ARHGEF40: variants seen among roughly 807,000 people sequenced by gnomAD.
ARHGEF40 encodes the protein Rho guanine nucleotide exchange factor 40.
In ARHGEF40, 98 loss-of-function variants were observed where a neutral mutation model predicts 165.9. That is an observed-to-expected ratio of 0.59 (90% CI 0.50 to 0.70). The LOEUF (loss-of-function observed/expected upper bound fraction) is 0.70. Among genes scored for constraint, ARHGEF40 ranks in the 30% least tolerant of loss-of-function variants. The pLI, the probability that ARHGEF40 is intolerant of heterozygous loss-of-function variation, is 0.00. For missense variants in ARHGEF40, 1,815 were observed against 1,968.0 expected, an observed-to-expected ratio of 0.92 and a Z score of 1.47; for synonymous variants, 792 against 814.3, an observed-to-expected ratio of 0.97 and a Z score of 0.47.
At chr14:21,085,560 C>T (rs1446443224) in intron 18 of ARHGEF40, 129 bp from the exon 19 acceptor site, 9 of 1,063,712 alleles carry the variant, frequency 8.5e-6, no homozygotes, top group South Asian at 8.1e-5. Context: ...GCACTTGGCA[C>T]GTGATAGGTG....
Position 21,073,129 on chromosome 14 carries a change from G to T in ARHGEF40, c.88G>T (p.Gly30Cys). 1 of 1,614,130 alleles carries T rather than the reference G, an allele frequency of 6.2e-7. No individual in the cohort carries two copies. The highest frequency in any genetic ancestry group is 8.5e-7 in the Non-Finnish European group (1 of 1,180,020). The change falls in exon 2 of 24, where the codon GGC becomes TGC. Residue 30 changes from glycine (G) to cysteine (C), a missense_variant. Gly to Cys is a radical substitution (Grantham distance 159). Transcript: ENST00000298694. The surrounding 1 kb of genome is among the most constrained non-coding windows in gnomAD (Gnocchi z 4.6). ...PFEATAPTLL[G>C]QVFQVVERTY... ...TGAGGCAACAGCCCCCACCCTGTTG[G>T]GCCAGGTGTTCCAGGTGGTGGAGAG...
chr14:21,085,758 C>T lies in ARHGEF40; in HGVS notation c.4030C>T (p.Arg1344Trp), dbSNP rs753621517. The change falls in exon 19 of 24, where the codon CGG (arginine) becomes TGG (tryptophan). Residue 1344 changes from arginine (R) to tryptophan (W), a missense_variant. Transcript: ENST00000298694. ...CTGCTTTGAGTTGTGGTTTCGGCGGCGGCGTGCACGAGAGGCATACACTCT... is the reference window on the plus strand; with the variant it reads ...CTGCTTTGAGTTGTGGTTTCGGCGGTGGCGTGCACGAGAGGCATACACTCT... ...GLCFELWFRR[R>W]RAREAYTLQA... 1.2e-5 allele frequency: 19 copies of T among 1,614,026 alleles called. No individual in the cohort carries two copies. The African/African-American group carries it at 1.5e-4, about 12-fold the overall frequency.
chr14:21,082,052 C>T lies in ARHGEF40; in HGVS notation c.3184C>T (p.Arg1062Trp), dbSNP rs745385584. Residue 1062 changes from arginine to tryptophan, a missense_variant, in exon 14 of 24, where the codon CGG (arginine) becomes TGG (tryptophan). Physicochemically the swap from Arg to Trp is moderately radical, Grantham distance 101. Transcript: ENST00000298694. The stretch of plus-strand genomic sequence containing the variant: ...ACCACGGGAACACGTGCTGCTGGGC[C>T]GGGCTAGGGGGCCAGACGGACCCTG... Reference protein sequence around the residue: ...CSPREHVLLGRARGPDGPWGV... With the variant: ...CSPREHVLLGWARGPDGPWGV... 27 of 1,560,882 alleles carry T rather than the reference C, an allele frequency of 1.7e-5. No individual in the cohort carries two copies. The highest frequency in any genetic ancestry group is 2.2e-5 in the Non-Finnish European group (25 of 1,152,390).
chr14:21,081,614 G>T lies in ARHGEF40; in HGVS notation c.2746G>T (p.Ala916Ser), dbSNP rs758284518. Residue 916 changes from alanine (A) to serine (S), a missense_variant, in exon 14 of 24, where the codon GCC becomes TCC. Ala to Ser is a moderately conservative substitution (Grantham distance 99). Coordinates refer to ENST00000298694, the MANE Select transcript of ARHGEF40 (RefSeq NM_018071.5). ...LALRRAPEPS[A>S]GTFQEMRALA... ...CCTGCGGCGGGCCCCAGAGCCCAGT[G>T]CCGGCACCTTCCAGGAGATGCGGGC... The T allele has an allele frequency of 1.2e-6, 2 of 1,610,886 alleles. No homozygotes were observed. Among genetic ancestry groups the T allele is most frequent in the South Asian group, 2.2e-5 (2 of 90,952 alleles).
chr14:21,075,451 C>A lies in ARHGEF40; in HGVS notation c.1570C>A (p.Pro524Thr). The change falls in exon 4 of 24, where the codon CCT becomes ACT. Residue 524 changes from proline to threonine, a missense_variant. Pro to Thr is a conservative substitution (Grantham distance 38). Transcript: ENST00000298694. The surrounding 1 kb of genome is among the most constrained non-coding windows in gnomAD (Gnocchi z 4.5). ...EALAVSVSDH[P>T]DVAWDLMASG... ...CCTTGCAGTCTCCGTCTCTGATCAC[C>A]CTGATGTAGCTTGGGACTTGATGGC... is the stretch of plus-strand genomic sequence containing the variant. 1 of 1,614,198 alleles carries A rather than the reference C, an allele frequency of 6.2e-7. No individual in the cohort carries two copies. Among genetic ancestry groups the A allele is most frequent in the Non-Finnish European group, 8.5e-7 (1 of 1,180,036 alleles).
chr14:21,068,678 G>A (rs1345197957), upstream of ARHGEF40, among the ~76,000 whole-genome samples: 1 of 152,210 alleles, frequency 6.6e-6, no homozygotes, highest in Non-Finnish European at 1.5e-5. Flanking sequence ...CCTGGAGAGT[G>A]TCGGTGACTC....
At chr14:21,084,713 G>A in intron 17 of ARHGEF40, 40 bp from the exon 18 acceptor site, 4 of 1,583,342 alleles carry the variant, frequency 2.5e-6, no homozygotes, top group South Asian at 2.3e-5. Flanking sequence ...TACAAACAAA[G>A]GGCCCCTGGG....
In ARHGEF40 at chr14:21,085,208, G is replaced by A. The variant is rs867572483; in HGVS notation, c.3960+285G>A. On this transcript the variant is annotated intron_variant, in intron 18 of 23. Coordinates refer to ENST00000298694, the MANE Select transcript of ARHGEF40 (RefSeq NM_018071.5). ...CCCACTAAGGACACACATGCCTTTGGAATTAGGGGTGGTTCCTAGGGCATG... is the reference window on the plus strand; with the variant it reads ...CCCACTAAGGACACACATGCCTTTGAAATTAGGGGTGGTTCCTAGGGCATG... Among the ~76,000 whole-genome samples, 82 of 152,268 alleles carry A rather than the reference G, an allele frequency of 5.4e-4. 1 individual carries two copies. Among genetic ancestry groups the A allele is most frequent in the Middle Eastern group, 3.4e-3 (1 of 294 alleles).
In ARHGEF40 at chr14:21,081,985, C is replaced by A; in HGVS notation, c.3117C>A (p.Gly1039=). The change falls in exon 14 of 24, where the codon GGC becomes GGA. Residue 1039 remains glycine, a synonymous_variant. Coordinates refer to ENST00000298694, the MANE Select transcript of ARHGEF40 (RefSeq NM_018071.5). ...CCCCAAGAGCTGTGCTGATCCGAGG[C>A]CTGGAGGTCACCAGCACTGAGGTGG... The part of the protein sequence containing the change: ...GRPPRAVLIR[G]LEVTSTEVVD... The A allele has an allele frequency of 1.3e-6, 2 of 1,588,462 alleles. No individual in the cohort carries two copies. Among genetic ancestry groups the A allele is most frequent in the East Asian group, 2.3e-5 (1 of 43,408 alleles).
the ARHGEF40 span, among the ~76,000 whole-genome samples, chr14:21,062,462 C>G: frequency 2.1e-3 from 317 of 152,274 alleles, 2 homozygotes; most frequent in African/African-American, 7.1e-3. Context: ...GGTTATTTTT[C>G]TGACTTGGGA....
chr14:21,085,649 C>G, intron 18 of ARHGEF40, 40 bp from the exon 19 acceptor site: 2 of 1,596,168 alleles, frequency 1.3e-6, no homozygotes, highest in Non-Finnish European at 1.7e-6. Context: ...CCAGCCAGGA[C>G]TCACTCTGTC....
At position 21,075,905 on chromosome 14, in the gene ARHGEF40, C is replaced by A; in HGVS notation, c.1739+140C>A. On this transcript the variant is annotated intron_variant, in intron 5 of 23. Coordinates refer to ENST00000298694, the MANE Select transcript of ARHGEF40 (RefSeq NM_018071.5). This position sits in a 1 kb window ranked among gnomAD's most constrained non-coding sequence, Gnocchi z 4.5. ...AACCTTCAGACTTCAAGCCATTGAC[C>A]TTTGGCCTTACTTACCCTGACCTCC... 1 of 1,135,248 alleles carries A rather than the reference C, an allele frequency of 8.8e-7. No homozygotes were observed. The highest frequency in any genetic ancestry group is 1.6e-5 in the South Asian group (1 of 62,008). 70.3% of individuals were successfully genotyped at this position (1,135,248 alleles called of 1,614,324 possible).
chr14:21,061,269 A>C, the ARHGEF40 span, among the ~76,000 whole-genome samples: 1 of 152,226 alleles, frequency 6.6e-6, no homozygotes, highest in Non-Finnish European at 1.5e-5. Flanking sequence ...CAACCATTCA[A>C]TATCTGTAAG....
In ARHGEF40 at chr14:21,082,117, C is replaced by T. The variant is rs1887969708; in HGVS notation, c.3249C>T (p.Ile1083=). 1 of 1,562,756 alleles carries T rather than the reference C, an allele frequency of 6.4e-7. No homozygotes were observed. The highest frequency in any genetic ancestry group is 8.7e-7 in the Non-Finnish European group (1 of 1,153,218). ...GTPRMERKRS[I]SAQQRLVSEL... is the part of the protein sequence containing the mutation. ...CCCGGATGGAGCGCAAGCGAAGCAT[C>T]AGGTGAGATCCCAGCCCAACTGGTG... Residue 1083 remains isoleucine, a splice_region_variant and synonymous_variant, in exon 14 of 24, where the codon ATC becomes ATT. Coordinates refer to ENST00000298694, the MANE Select transcript of ARHGEF40 (RefSeq NM_018071.5).
rs373725799 is a variant in ARHGEF40 at position 21,085,662 on chromosome 14, C to T, written c.3961-27C>T. ...ACCCAGCCAGGACTCACTCTGTCTT[C>T]ACCCGCTGCCCTCTGCTCTTCCTCA... On this transcript the variant is annotated intron_variant, in intron 18 of 23. Coordinates refer to ENST00000298694, the MANE Select transcript of ARHGEF40 (RefSeq NM_018071.5). The T allele has an allele frequency of 1.9e-5, 31 of 1,607,282 alleles. No individual in the cohort carries two copies. In the African/African-American group the frequency reaches 4.0e-4, roughly 21 times the overall value.
chr14:21,069,900 G>A (rs998166027), upstream of ARHGEF40, among the ~76,000 whole-genome samples: 1 of 152,222 alleles, frequency 6.6e-6, no homozygotes. Context: ...CCCAGTTCTG[G>A]GAAGGGGCGG....
chr14:21,073,780 C>G lies in ARHGEF40; in HGVS notation c.202-152C>G, dbSNP rs1334096936. 1.2e-6 allele frequency: 1 copy of G among 867,362 alleles called. No homozygotes were observed. The highest frequency in any genetic ancestry group is 1.7e-5 in the African/African-American group (1 of 58,790). The allele number at this position is 867,362 out of a possible 1,614,324, so 53.7% of individuals were successfully genotyped here. On this transcript the variant is annotated intron_variant, in intron 2 of 23. Transcript: ENST00000298694. The surrounding 1 kb of genome is among the most constrained non-coding windows in gnomAD (Gnocchi z 4.6). ...GTCCCAATCCCTTCCTCTCTGCCACCTGAATACCCCAAATCTCCCCTCCTG... is the reference window on the plus strand; with the variant it reads ...GTCCCAATCCCTTCCTCTCTGCCACGTGAATACCCCAAATCTCCCCTCCTG...
At chr14:21,085,903 C>G in intron 19 of ARHGEF40, 37 bp downstream of exon 19, 1 of 1,609,054 alleles carries the variant, frequency 6.2e-7, no homozygotes, top group Non-Finnish European at 8.5e-7. Flanking sequence ...TGCTTGGAGT[C>G]AGGGTTATAG....
the ARHGEF40 span, among the ~76,000 whole-genome samples, chr14:21,064,305 T>TA: frequency 6.6e-6 from 1 of 151,668 alleles, no homozygotes; most frequent in African/African-American, 2.4e-5. Flanking sequence ...ATGCCTTTTT[T>TA]TTTTTATTAT....
Sources: allele counts gnomAD v4.1 joint callset (sites outside exome capture counted in the v4.1 genomes callset), GRCh38; gene constraint gnomAD v4.1.1; non-coding constraint Gnocchi (gnomAD v3.1); transcripts MANE v1.5; gene names NCBI Gene and HGNC (gene_info 2026-07-23, HGNC 2026-07-21).